TRPM7: variants seen among roughly 807,000 people sequenced by gnomAD.
TRPM7 encodes the protein transient receptor potential cation channel subfamily M member 7, also known as LTRPC ion channel family member 7.
Under a neutral mutation model 229.7 loss-of-function variants are expected in TRPM7, and 134 were observed. The observed-to-expected ratio is 0.58, with a 90% CI of 0.51 to 0.67. TRPM7 has a LOEUF of 0.67. Ranked by LOEUF, TRPM7 falls within the 30% of genes least tolerant of loss-of-function variation. TRPM7 has a pLI of 0.00. For synonymous variants in TRPM7, 699 were observed against 715.2 expected (o/e 0.98, Z 0.36); for missense variants, 1,901 against 2,210.0 (o/e 0.86, Z 2.80).
At chr15:50,585,296 C>T (rs569677834) in intron 28 of TRPM7, among the ~76,000 whole-genome samples, 8 of 152,152 alleles carry the variant, frequency 5.3e-5, no homozygotes, top group Non-Finnish European at 8.8e-5. Flanking sequence ...CTCCTGACCT[C>T]AGGTGATCCA....
chr15:50,607,804 T>C (rs1041103531), intron 19 of TRPM7, among the ~76,000 whole-genome samples: 2 of 150,520 alleles, frequency 1.3e-5, no homozygotes, highest in Non-Finnish European at 2.9e-5. Context: ...CCCAGAACTT[T>C]GGGAAGCCAA....
intron 5 of TRPM7, among the ~76,000 whole-genome samples, chr15:50,642,230 G>C (rs1487064528): frequency 1.3e-5 from 2 of 152,130 alleles, no homozygotes; most frequent in Admixed American, 6.5e-5. Flanking sequence ...CCACTAGAAG[G>C]AAAGTGATGG....
At chr15:50,568,992 CAAAT>C (rs1174643926) in intron 38 of TRPM7, among the ~76,000 whole-genome samples, 104 of 151,986 alleles carry the variant, frequency 6.8e-4, no homozygotes, top group African/African-American at 2.4e-3. Context: ...CAAAAACAAA[CAAAT>C]AAACAAACAA....
At chr15:50,623,559 T>C (rs1228441932) in intron 12 of TRPM7, among the ~76,000 whole-genome samples, 1 of 138,102 alleles carries the variant, frequency 7.2e-6, no homozygotes, top group African/African-American at 2.8e-5. Context: ...TGGGGCAATA[T>C]ATGAAGATCT....
rs1057283131 is a variant in TRPM7 at position 50,580,573 on chromosome 15, T to C, written c.4592+301A>G. ...CTCAAACTAGGTCTCTCAACAAATT[T>C]ATTCAGGAATAAGTTAGAAACAGGA... On this transcript the variant is annotated intron_variant, in intron 30 of 38. Coordinates refer to ENST00000646667, the MANE Select transcript of TRPM7 (RefSeq NM_017672.6). 5.3e-5 allele frequency among the ~76,000 whole-genome samples: 8 copies of C among 152,328 alleles called. No individual in the cohort carries two copies. The South Asian group carries it at 1.7e-3, about 32-fold the overall frequency.
chr15:50,621,244 TG>T (rs1365394208), intron 12 of TRPM7, among the ~76,000 whole-genome samples: 1 of 151,156 alleles, frequency 6.6e-6, no homozygotes, highest in African/African-American at 2.4e-5. Context: ...CCCCCACAGG[TG>T]AACTTTTTAA....
chr15:50,636,638 T>C lies in TRPM7; in HGVS notation c.832+784A>G, dbSNP rs544346282. On this transcript the variant is annotated intron_variant, in intron 7 of 38. Transcript: ENST00000646667. The stretch of plus-strand genomic sequence containing the variant: ...TTTTCCTTTATTTGAAATAAAAATT[T>C]AGATGTTGAACCAGAAAATTCAGAC... Among the ~76,000 whole-genome samples, 8 of 152,342 alleles carry C rather than the reference T, an allele frequency of 5.3e-5. No individual in the cohort carries two copies. In the South Asian group the frequency reaches 1.4e-3, roughly 28 times the overall value.
At chr15:50,595,604 T>G (rs1330648686) in intron 23 of TRPM7, among the ~76,000 whole-genome samples, 1 of 152,160 alleles carries the variant, frequency 6.6e-6, no homozygotes, top group Admixed American at 6.5e-5. Flanking sequence ...CTCATGCCTG[T>G]AATCCCAGCA....
chr15:50,643,213 CG>C (rs1353515046), intron 5 of TRPM7, 126 bp downstream of exon 5: 1 of 705,344 alleles, frequency 1.4e-6, no homozygotes, highest in African/African-American at 1.8e-5. Context: ...TGCTTGAGCC[CG>C]GGAGGCAGAG....
chr15:50,568,550 C>A (rs191248688), intron 38 of TRPM7, among the ~76,000 whole-genome samples: 1 of 152,238 alleles, frequency 6.6e-6, no homozygotes, highest in East Asian at 1.9e-4. Context: ...TACTAAGTAT[C>A]TCACAAAACC....
intron 6 of TRPM7, among the ~76,000 whole-genome samples, chr15:50,638,068 T>C (rs930593996): frequency 2.2e-4 from 33 of 150,790 alleles, no homozygotes; most frequent in Non-Finnish European, 4.6e-4. Context: ...ACTACAAAAA[T>C]TAGATGGGAG....
At chr15:50,587,295 C>A (rs1156470762) in intron 27 of TRPM7, among the ~76,000 whole-genome samples, 1 of 150,950 alleles carries the variant, frequency 6.6e-6, no homozygotes. Context: ...TTTCAAATTT[C>A]TTTTGACTAT....
In TRPM7 at chr15:50,592,599, T is replaced by G; in HGVS notation, c.3636A>C (p.Lys1212Asn). ...ERVEQMCIQI[K>N]EVGDRVNYIK... ...TGTAGTTGACACGATCTCCAACTTC[T>G]TTAATCTGAATGCACATCTGTTCCA... Residue 1212 changes from lysine (K) to asparagine (N), a missense_variant, in exon 26 of 39, where the codon AAA becomes AAC. Coordinates refer to ENST00000646667, the MANE Select transcript of TRPM7 (RefSeq NM_017672.6). 6.2e-7 allele frequency: 1 copy of G among 1,601,462 alleles called. No individual in the cohort carries two copies. The highest frequency in any genetic ancestry group is 8.5e-7 in the Non-Finnish European group (1 of 1,177,542).
At chr15:50,653,172 C>T (rs761579166) in intron 3 of TRPM7, among the ~76,000 whole-genome samples, 3 of 152,086 alleles carry the variant, frequency 2.0e-5, no homozygotes, top group East Asian at 1.9e-4. Context: ...AAAAAAGAAA[C>T]GGACGTGGTG....
At chr15:50,670,543 A>G (rs1403370383) in intron 1 of TRPM7, among the ~76,000 whole-genome samples, 4 of 152,184 alleles carry the variant, frequency 2.6e-5, no homozygotes, top group South Asian at 2.1e-4. Flanking sequence ...AACCAGCACC[A>G]TGACAGTTTA....
intron 36 of TRPM7, among the ~76,000 whole-genome samples, chr15:50,573,381 T>C (rs932561374): frequency 6.6e-6 from 1 of 152,216 alleles, no homozygotes; most frequent in Non-Finnish European, 1.5e-5. Context: ...GCTAGCCATG[T>C]AGACAGAGAA....
At chr15:50,614,004 G>T in intron 14 of TRPM7, 119 bp downstream of exon 14, 1 of 1,352,120 alleles carries the variant, frequency 7.4e-7, no homozygotes, top group Non-Finnish European at 1.0e-6. Context: ...GCTCTTAGTT[G>T]AAAATGTTCA....
At chr15:50,633,717 A>C (rs185361813) in intron 8 of TRPM7, among the ~76,000 whole-genome samples, 61 of 152,292 alleles carry the variant, frequency 4.0e-4, no homozygotes, top group African/African-American at 1.4e-3. Flanking sequence ...ACTTTGTTCC[A>C]ATCTTTTATA....
At chr15:50,655,932 G>A (rs1457006613) in intron 3 of TRPM7, among the ~76,000 whole-genome samples, 1 of 151,668 alleles carries the variant, frequency 6.6e-6, no homozygotes, top group Non-Finnish European at 1.5e-5. Context: ...AAAGGTTGCT[G>A]TGAGCTGAGA....
Sources: allele counts gnomAD v4.1 joint callset (sites outside exome capture counted in the v4.1 genomes callset), GRCh38; gene constraint gnomAD v4.1.1; transcripts MANE v1.5; gene names NCBI Gene and HGNC (gene_info 2026-07-23, HGNC 2026-07-21).